ASPH: variants seen among roughly 807,000 people sequenced by gnomAD.
ASPH encodes the protein aspartyl/asparaginyl beta-hydroxylase.
In ASPH, 100 loss-of-function variants were observed where a neutral mutation model predicts 118.4. That is an observed-to-expected ratio of 0.84 (90% CI 0.72 to 1.00). ASPH has a LOEUF of 1.00. ASPH is among the 50% of genes least tolerant of loss of function. The pLI is 0.00. For missense variants in ASPH, 920 were observed against 919.5 expected, an observed-to-expected ratio of 1.00 and a Z score of -0.01; for synonymous variants, 315 against 325.6, an observed-to-expected ratio of 0.97 and a Z score of 0.35.
At chr8:61,526,348 A>G (rs1411738693) in intron 21 of ASPH, among the ~76,000 whole-genome samples, 4 of 152,174 alleles carry the variant, frequency 2.6e-5, no homozygotes, top group Non-Finnish European at 5.9e-5. Flanking sequence ...ACTCCTAGAA[A>G]CTTCACAGAA....
rs554865519 is a variant in ASPH, at chr8:61,569,546, G to A, written c.1150-2228C>T. Among the ~76,000 whole-genome samples, 14 of 151,748 alleles carry A rather than the reference G, an allele frequency of 9.2e-5. No individual in the cohort carries two copies. The South Asian group carries it at 2.9e-3, about 32-fold the overall frequency. ...AACAAACAAACAAACCTAAGAATCAGCACAAATTGACAAAATAAGACAACT... is the reference window on the plus strand; with the variant it reads ...AACAAACAAACAAACCTAAGAATCAACACAAATTGACAAAATAAGACAACT... On this transcript the variant is annotated intron_variant, in intron 16 of 24. Coordinates refer to ENST00000379454, the MANE Select transcript of ASPH (RefSeq NM_004318.4).
intron 24 of ASPH, among the ~76,000 whole-genome samples, chr8:61,511,373 C>T (rs1336354027): frequency 1.3e-5 from 2 of 152,274 alleles, no homozygotes; most frequent in Non-Finnish European, 2.9e-5. Flanking sequence ...AATTGGCAGG[C>T]AATAATGCTG....
At chr8:61,702,451 ATTT>A (rs891467928) in intron 1 of ASPH, among the ~76,000 whole-genome samples, 4 of 151,472 alleles carry the variant, frequency 2.6e-5, no homozygotes. Flanking sequence ...CACCCGGCTA[ATTT>A]TTTTTGTATT....
At chr8:61,544,876 G>C (rs1007085139) in intron 21 of ASPH, among the ~76,000 whole-genome samples, 2 of 152,180 alleles carry the variant, frequency 1.3e-5, no homozygotes, top group African/African-American at 4.8e-5. Context: ...TTATGCAAAG[G>C]ACTGATATTC....
chr8:61,517,353 G>C (rs1337380622), intron 24 of ASPH, 175 bp downstream of exon 24: 2 of 901,714 alleles, frequency 2.2e-6, no homozygotes, highest in Non-Finnish European at 3.3e-6. Flanking sequence ...AATGTCTCCA[G>C]GCTAATAGAA....
At chr8:61,662,612 G>A (rs983169308) in intron 3 of ASPH, among the ~76,000 whole-genome samples, 21 of 152,144 alleles carry the variant, frequency 1.4e-4, no homozygotes, top group African/African-American at 4.8e-4. Context: ...ATATTACGCA[G>A]TTGGATAAAG....
At chr8:61,626,907 G>C (rs576259648) in intron 13 of ASPH, among the ~76,000 whole-genome samples, 39 of 151,556 alleles carry the variant, frequency 2.6e-4, no homozygotes, top group African/African-American at 8.0e-4. Flanking sequence ...TTGGATTTGT[G>C]TTACAATTAA....
At chr8:61,663,301 A>G (rs1260620441) in intron 3 of ASPH, 1 of 985,204 alleles carries the variant, frequency 1.0e-6, no homozygotes, top group African/African-American at 1.7e-5. Context: ...GCCTGGGAAG[A>G]ATCACCATCC....
intron 24 of ASPH, among the ~76,000 whole-genome samples, chr8:61,510,532 C>T (rs1438178175): frequency 6.6e-6 from 1 of 152,168 alleles, no homozygotes; most frequent in Non-Finnish European, 1.5e-5. Context: ...ATGGATCCCA[C>T]CTTTTCACCA....
At chr8:61,651,581 G>A (rs1332516744) in intron 4 of ASPH, 1 of 154,130 alleles carries the variant, frequency 6.5e-6, no homozygotes, top group East Asian at 1.9e-4. Flanking sequence ...TTCCCTGAGA[G>A]GAGAAAGGGC....
intron 1 of ASPH, chr8:61,689,564 C>CA: frequency 9.6e-7 from 1 of 1,046,250 alleles, no homozygotes; most frequent in South Asian, 1.5e-5. Context: ...GTAGACAGTA[C>CA]AGTCAAAGCA....
chr8:61,714,495 A>AGCACCCTGTGCCTCAGCACCGCCT lies in ASPH; in HGVS notation c.-125_-124insAGGCGGTGCTGAGGCACAGGGTGC. On this transcript the variant is annotated 5_prime_UTR_variant, in exon 1 of 25. Transcript: ENST00000379454. ...AGCGGGTTCGGGCCGCTGCTCCTGC[A>AGCACCCTGTGCCTCAGCACCGCCT]GCAGACCCTGTGCCTCAGCACCGCC... The AGCACCCTGTGCCTCAGCACCGCCT allele has an allele frequency of 7.6e-6, 10 of 1,317,090 alleles. 1 individual carries two copies. In the South Asian group the frequency reaches 1.7e-4, roughly 23 times the overall value. The allele number at this position is 1,317,090 out of a possible 1,614,324, so 81.6% of individuals were successfully genotyped here.
chr8:61,523,960 C>T lies in ASPH; in HGVS notation c.1900+2017G>A, dbSNP rs187739162. ...TTTAAAAATTAGCCAGGTATGTAGACGCACACATGTAGTCCTAGCTACTTG... is the reference window on the plus strand; with the variant it reads ...TTTAAAAATTAGCCAGGTATGTAGATGCACACATGTAGTCCTAGCTACTTG... On this transcript the variant is annotated intron_variant, in intron 22 of 24. Transcript: ENST00000379454. Among the ~76,000 whole-genome samples the T allele has an allele frequency of 1.2e-3, 186 of 152,238 alleles. 1 individual carries two copies. Among genetic ancestry groups the T allele is most frequent in the African/African-American group, 3.5e-3 (145 of 41,538 alleles).
At chr8:61,679,289 C>T (rs1410448149) in intron 3 of ASPH, among the ~76,000 whole-genome samples, 1 of 152,022 alleles carries the variant, frequency 6.6e-6, no homozygotes, top group Non-Finnish European at 1.5e-5. Context: ...AATTTAGTTC[C>T]ACCTCCAAGT....
intron 3 of ASPH, among the ~76,000 whole-genome samples, chr8:61,673,528 A>G (rs1823670837): frequency 6.6e-6 from 1 of 152,192 alleles, no homozygotes; most frequent in Non-Finnish European, 1.5e-5. Context: ...GAGTTTCTCA[A>G]CTCTGAAAAG....
chr8:61,549,308 G>A (rs1428873421), intron 20 of ASPH, among the ~76,000 whole-genome samples: 2 of 147,292 alleles, frequency 1.4e-5, no homozygotes, highest in Non-Finnish European at 2.9e-5. Flanking sequence ...TTCTTTGAAT[G>A]TGTTATCTCA....
At chr8:61,514,543 A>G (rs1208256491) in intron 24 of ASPH, among the ~76,000 whole-genome samples, 2 of 152,042 alleles carry the variant, frequency 1.3e-5, no homozygotes, top group African/African-American at 4.8e-5. Flanking sequence ...CCCCGTCTCT[A>G]CTAAAAATAC....
At chr8:61,712,944 GAGA>G (rs1838402224) in intron 1 of ASPH, among the ~76,000 whole-genome samples, 1 of 152,224 alleles carries the variant, frequency 6.6e-6, no homozygotes, top group Non-Finnish European at 1.5e-5. Flanking sequence ...GAGGCACAAT[GAGA>G]AGAACCCATT....
chr8:61,602,003 T>C (rs1844133103), intron 14 of ASPH, among the ~76,000 whole-genome samples: 1 of 151,346 alleles, frequency 6.6e-6, no homozygotes, highest in Non-Finnish European at 1.5e-5. Context: ...AAACACAAAA[T>C]ACTAGGCCCA....
Sources: gnomAD v4.1 joint callset for allele counts (sites outside exome capture counted in the v4.1 genomes callset) on GRCh38, gnomAD v4.1.1 for gene constraint, MANE v1.5 for transcripts, NCBI Gene and HGNC (gene_info 2026-07-23, HGNC 2026-07-21) for gene names.